PCDHGA2: variants seen among roughly 807,000 people sequenced by gnomAD.
The protein encoded by PCDHGA2 is protocadherin gamma subfamily A, 2.
A neutral mutation model predicts 59.2 loss-of-function variants in PCDHGA2; 40 were observed. The ratio of observed to expected loss-of-function variants is 0.68; its 90% CI spans 0.52 to 0.88. The LOEUF (loss-of-function observed/expected upper bound fraction) is 0.88. Among genes scored for constraint, PCDHGA2 ranks in the 40% least tolerant of loss-of-function variants. The pLI is 0.00. For missense variants in PCDHGA2, 1,226 were observed against 1,204.0 expected (o/e 1.02, Z -0.27); for synonymous variants, 560 against 526.0 (o/e 1.06, Z -0.89).
intron 1 of PCDHGA2, chr5:141,422,545 T>C: frequency 6.2e-7 from 1 of 1,614,000 alleles, no homozygotes; most frequent in Non-Finnish European, 8.5e-7. Context: ...AACTCATGTC[T>C]GGCTGAATGT....
Position 141,431,581 on chromosome 5 carries a change from T to A in PCDHGA2, c.2425-63226T>A, listed in dbSNP as rs749863807. Reference sequence around the variant, plus strand: ...CTACCGACCCTGACGAAGGAGTCAATGCGGAAGTGAGGTATTCCTTCCGGT... The same window carrying A: ...CTACCGACCCTGACGAAGGAGTCAAAGCGGAAGTGAGGTATTCCTTCCGGT... On this transcript the variant is annotated intron_variant, in intron 1 of 3. Coordinates refer to ENST00000394576, the MANE Select transcript of PCDHGA2 (RefSeq NM_018915.4). This position sits in a 1 kb window ranked among gnomAD's most constrained non-coding sequence, Gnocchi z 4.8. 3.1e-6 allele frequency: 5 copies of A among 1,614,160 alleles called. No individual in the cohort carries two copies. In the South Asian group the frequency reaches 5.5e-5, roughly 18 times the overall value.
intron 1 of PCDHGA2, among the ~76,000 whole-genome samples, chr5:141,472,242 A>T (rs1342571385): frequency 6.6e-6 from 1 of 152,186 alleles, no homozygotes; most frequent in East Asian, 1.9e-4. Flanking sequence ...TTCACTTTCT[A>T]TTTTAAAGTT....
At chr5:141,401,533 C>CA (rs902946394) in intron 1 of PCDHGA2, among the ~76,000 whole-genome samples, 5 of 151,672 alleles carry the variant, frequency 3.3e-5, no homozygotes, top group Admixed American at 6.6e-5. Flanking sequence ...AAGAAACTTA[C>CA]AAAAAAAAGG....
At chr5:141,468,160 G>C (rs2099158881) in intron 1 of PCDHGA2, among the ~76,000 whole-genome samples, 1 of 151,468 alleles carries the variant, frequency 6.6e-6, no homozygotes, top group African/African-American at 2.4e-5. Context: ...CCCTGTCTCT[G>C]CTAAAAATAG....
chr5:141,355,466 G>A (rs1561508995), intron 1 of PCDHGA2: 1 of 1,614,094 alleles, frequency 6.2e-7, no homozygotes, highest in Non-Finnish European at 8.5e-7. Context: ...ACCGCGGGTA[G>A]GATAGACAGG....
chr5:141,477,312 T>G lies in PCDHGA2; in HGVS notation c.2425-17495T>G. On this transcript the variant is annotated intron_variant, in intron 1 of 3. Coordinates refer to ENST00000394576, the MANE Select transcript of PCDHGA2 (RefSeq NM_018915.4). This position sits in a 1 kb window ranked among gnomAD's most constrained non-coding sequence, Gnocchi z 4.9. ...GTTCCACCGGGTCTCCCTTTCAGCC[T>G]TACTTCTTCCCTCAAGAATTACTTC... The G allele has an allele frequency of 1.2e-6, 2 of 1,614,162 alleles. No individual in the cohort carries two copies. The highest frequency in any genetic ancestry group is 1.7e-6 in the Non-Finnish European group (2 of 1,180,032).
chr5:141,390,300 T>C, intron 1 of PCDHGA2: 2 of 1,613,822 alleles, frequency 1.2e-6, no homozygotes, highest in Non-Finnish European at 1.7e-6. Flanking sequence ...CCTTTAAGTA[T>C]AATTTAATGC....
intron 1 of PCDHGA2, chr5:141,350,852 G>A: frequency 6.2e-7 from 1 of 1,614,062 alleles, no homozygotes; most frequent in Non-Finnish European, 8.5e-7. Flanking sequence ...AAAACCTCTA[G>A]ACAGGGAACA....
intron 3 of PCDHGA2, among the ~76,000 whole-genome samples, chr5:141,505,995 C>T (rs1041284805): frequency 5.3e-5 from 8 of 152,142 alleles, no homozygotes; most frequent in African/African-American, 1.4e-4. Flanking sequence ...CCTCTTTATG[C>T]GAGGCTCCTC....
chr5:141,370,920 C>G, intron 1 of PCDHGA2: 4 of 1,613,994 alleles, frequency 2.5e-6, no homozygotes, highest in South Asian at 1.1e-5. Context: ...CAGCCCTGAT[C>G]CGCACTTCTC....
At chr5:141,357,034 A>G (rs1200830178) in intron 1 of PCDHGA2, 1 of 1,614,038 alleles carries the variant, frequency 6.2e-7, no homozygotes, top group Non-Finnish European at 8.5e-7. Flanking sequence ...ACTCAAGTCC[A>G]GCGAGCCGGG....
intron 1 of PCDHGA2, chr5:141,362,184 C>G: frequency 1.2e-6 from 2 of 1,614,058 alleles, no homozygotes; most frequent in Non-Finnish European, 1.7e-6. Flanking sequence ...AGCCCTCTGA[C>G]CCCCAGGCAA....
chr5:141,470,837 G>A (rs932315417), intron 1 of PCDHGA2, among the ~76,000 whole-genome samples: 4 of 151,948 alleles, frequency 2.6e-5, no homozygotes, highest in Non-Finnish European at 4.4e-5. Flanking sequence ...ACAAACACAC[G>A]CCACCATGCT....
rs763097687 is a variant in PCDHGA2 at position 141,489,361 on chromosome 5, C to G, written c.2425-5446C>G. On this transcript the variant is annotated intron_variant, in intron 1 of 3. Transcript: ENST00000394576. This position sits in a 1 kb window ranked among gnomAD's most constrained non-coding sequence, Gnocchi z 4.5. Reference sequence around the variant, plus strand: ...TTACTCAGTGGTGGAGGAGTCTGAGCCGGGGACGCTGGTGGGGAATGTTGC... The same window carrying G: ...TTACTCAGTGGTGGAGGAGTCTGAGGCGGGGACGCTGGTGGGGAATGTTGC... 6.2e-7 allele frequency: 1 copy of G among 1,612,762 alleles called. No homozygotes were observed. Among genetic ancestry groups the G allele is most frequent in the African/African-American group, 1.3e-5 (1 of 74,874 alleles).
At position 141,491,134 on chromosome 5, in the gene PCDHGA2, C is replaced by T. The variant is rs1594979273; in HGVS notation, c.2425-3673C>T. Reference sequence around the variant, plus strand: ...ACACACTGGTGAGGTGCGCACAGCCCGGGCCTTACTGGAGGATGACTCTGA... The same window carrying T: ...ACACACTGGTGAGGTGCGCACAGCCTGGGCCTTACTGGAGGATGACTCTGA... On this transcript the variant is annotated intron_variant, in intron 1 of 3. Transcript: ENST00000394576. The surrounding 1 kb of genome is among the most constrained non-coding windows in gnomAD (Gnocchi z 6.9). The T allele has an allele frequency of 6.2e-7, 1 of 1,614,138 alleles. No homozygotes were observed. Among genetic ancestry groups the T allele is most frequent in the Non-Finnish European group, 8.5e-7 (1 of 1,179,994 alleles).
intron 1 of PCDHGA2, chr5:141,413,569 G>A: frequency 1.2e-6 from 2 of 1,613,846 alleles, no homozygotes; most frequent in Non-Finnish European, 1.7e-6. Context: ...TGATATCAAT[G>A]ACAATGCTCC....
At position 141,412,100 on chromosome 5, in the gene PCDHGA2, C is replaced by T. The variant is rs1041242156; in HGVS notation, c.2424+70705C>T. On this transcript the variant is annotated intron_variant, in intron 1 of 3. Coordinates refer to ENST00000394576, the MANE Select transcript of PCDHGA2 (RefSeq NM_018915.4). ...TTGCTACTGGGTTGATGGGCACACA[C>T]AGTTGAAGATATGTGAACCACTGGA... The T allele has an allele frequency of 2.0e-5, 3 of 152,180 alleles. No homozygotes were observed. In the South Asian group the frequency reaches 6.2e-4, roughly 31 times the overall value. 9.4% of individuals were successfully genotyped at this position (152,180 alleles called of 1,614,324 possible).
At position 141,399,393 on chromosome 5, in the gene PCDHGA2, C is replaced by G. The variant is rs762678347; in HGVS notation, c.2424+57998C>G. 28 of 1,613,976 alleles carry G rather than the reference C, an allele frequency of 1.7e-5. No homozygotes were observed. In the Middle Eastern group the frequency reaches 2.8e-3, roughly 162 times the overall value. ...ACAATGTCACCATCACAGCCACAGA[C>G]AGGGGCAAGCCGCCCCTCTCCTCCA... On this transcript the variant is annotated intron_variant, in intron 1 of 3. Transcript: ENST00000394576.
chr5:141,409,004 G>A, intron 1 of PCDHGA2: 3 of 1,614,004 alleles, frequency 1.9e-6, no homozygotes, highest in Non-Finnish European at 1.7e-6. Context: ...GACAGCCACT[G>A]ACCAGGATGA....
Sources: allele counts gnomAD v4.1 joint callset (sites outside exome capture counted in the v4.1 genomes callset), GRCh38; gene constraint gnomAD v4.1.1; non-coding constraint Gnocchi (gnomAD v3.1); transcripts MANE v1.5; gene names NCBI Gene and HGNC (gene_info 2026-07-23, HGNC 2026-07-21).